SHROOM2: variants seen among roughly 807,000 people sequenced by gnomAD.
SHROOM2 encodes shroom family member 2, also known as protein Shroom2.
Under a neutral mutation model 75.9 loss-of-function variants are expected in SHROOM2, and 33 were observed. That is an observed-to-expected ratio of 0.43 (90% confidence interval 0.33 to 0.58). SHROOM2 has a LOEUF of 0.58. Among genes scored for constraint, SHROOM2 ranks in the 20% least tolerant of loss-of-function variants. The pLI, the probability that SHROOM2 is intolerant of heterozygous loss-of-function variation, is 0.04. For synonymous variants in SHROOM2, 655 were observed against 663.6 expected (o/e 0.99, Z 0.20); for missense variants, 1,434 against 1,461.2 (o/e 0.98, Z 0.30).
At chrX:9,829,343 C>T (rs759674773) in intron 1 of SHROOM2, among the ~76,000 whole-genome samples, 4 of 112,380 alleles carry the variant, frequency 3.6e-5, no homozygotes, top group African/African-American at 1.3e-4. Context: ...GAGTAGCTGT[C>T]GCCAGTCTAC....
chrX:9,880,255 C>T (rs1172558159), intron 2 of SHROOM2, among the ~76,000 whole-genome samples: 1 of 112,834 alleles, frequency 8.9e-6, no homozygotes, highest in Non-Finnish European at 1.9e-5. Context: ...CCACATGTGG[C>T]TTCTGTCCAG....
chrX:9,823,755 TC>T lies in SHROOM2; in HGVS notation c.165+37046del, dbSNP rs1162883230. 1.6e-3 allele frequency among the ~76,000 whole-genome samples: 114 copies of T among 69,658 alleles called. 1 individual carries two copies. Among genetic ancestry groups the T allele is most frequent in the Middle Eastern group, 0.015 (2 of 135 alleles). The allele number at this position is 69,658 out of a possible 115,157, so 60.5% of individuals were successfully genotyped here. A position where few individuals can be genotyped will look rare whatever the true frequency, so the allele number is the denominator to read the frequency against. The stretch of plus-strand genomic sequence containing the variant: ...AACATTTTTTTTCTTTTTTCTTTTT[TC>T]TTTTTTCTTTTTTTTTTTTTGAGAC... On this transcript the variant is annotated intron_variant, in intron 1 of 9. Transcript: ENST00000380913.
chrX:9,936,148 A>T (rs2084703289), intron 6 of SHROOM2, among the ~76,000 whole-genome samples: 1 of 109,416 alleles, frequency 9.1e-6, no homozygotes, highest in Admixed American at 9.7e-5. Flanking sequence ...CCCAGGCTAG[A>T]GTGCAGTGGT....
chrX:9,895,065 G>C lies in SHROOM2; in HGVS notation c.1157G>C (p.Gly386Ala), dbSNP rs1464604488. Residue 386 changes from glycine to alanine, a missense_variant, in exon 4 of 10, where the codon GGC becomes GCC. By Grantham distance (60) the Gly-to-Ala change is moderately conservative (BLOSUM62 0). This residue lies in a region of SHROOM2 where 1,340 missense variants were observed against 1,338.3 expected (regional missense o/e 1.00). Transcript: ENST00000380913. ...CTCGGGAAGGGATCGGGAGGCCCGG[G>C]CTGCCCACAGGAGGCCCACGCAGAC... ...GSLGKGSGGPGCPQEAHADGS... is the reference protein window; with the variant it reads ...GSLGKGSGGPACPQEAHADGS... 8.3e-7 allele frequency: 1 copy of C among 1,207,582 alleles called. No homozygotes were observed. The highest frequency in any genetic ancestry group is 1.7e-5 in the African/African-American group (1 of 57,867).
chrX:9,810,919 A>G (rs1471899882), intron 1 of SHROOM2, among the ~76,000 whole-genome samples: 2 of 110,942 alleles, frequency 1.8e-5, no homozygotes, highest in African/African-American at 6.7e-5. Context: ...AGTGAATTCC[A>G]TGAGCATGAA....
At position 9,895,104 on chromosome X, in the gene SHROOM2, C is replaced by T; in HGVS notation, c.1196C>T (p.Pro399Leu). Residue 399 changes from proline (P) to leucine (L), a missense_variant, in exon 4 of 10, where the codon CCC (proline) becomes CTC (leucine). Pro to Leu is a moderately conservative substitution (Grantham distance 98). Around this residue, in one of 3 missense-constraint regions of SHROOM2, gnomAD observed 1,340 missense variants for 1,338.3 expected, o/e 1.00. Coordinates refer to ENST00000380913, the MANE Select transcript of SHROOM2 (RefSeq NM_001649.4). The part of the protein sequence containing the change: ...QEAHADGSWP[P>L]SKDGASSRLQ... ...GCCCACGCAGACGGCAGCTGGCCGCCCTCCAAGGATGGAGCTTCCAGTAGG... is the reference window on the plus strand; with the variant it reads ...GCCCACGCAGACGGCAGCTGGCCGCTCTCCAAGGATGGAGCTTCCAGTAGG... The T allele has an allele frequency of 8.3e-7, 1 of 1,211,012 alleles. No individual in the cohort carries two copies. The highest frequency in any genetic ancestry group is 1.1e-6 in the Non-Finnish European group (1 of 895,201).
intron 2 of SHROOM2, among the ~76,000 whole-genome samples, chrX:9,888,318 G>A (rs958881623): frequency 3.6e-5 from 4 of 112,231 alleles, no homozygotes; most frequent in Non-Finnish European, 7.5e-5. Flanking sequence ...GGTGCGTGGG[G>A]CCAGGAGGTT....
chrX:9,792,102 AATAG>A (rs2083662001), intron 1 of SHROOM2, among the ~76,000 whole-genome samples: 1 of 17,165 alleles, frequency 5.8e-5, no homozygotes, highest in African/African-American at 1.6e-4. Context: ...AATAGAATAG[AATAG>A]AATAGAATAG....
intron 1 of SHROOM2, among the ~76,000 whole-genome samples, chrX:9,822,500 C>T (rs956845195): frequency 2.5e-4 from 28 of 112,816 alleles, no homozygotes; most frequent in African/African-American, 7.4e-4. Flanking sequence ...TTAAGGGATG[C>T]GAGTGGTACC....
intron 5 of SHROOM2, among the ~76,000 whole-genome samples, chrX:9,911,030 T>C (rs1035449466): frequency 2.8e-4 from 31 of 110,868 alleles, no homozygotes; most frequent in Non-Finnish European, 1.1e-4. Flanking sequence ...CTGTTCCGTG[T>C]GTGGCCTGGC....
intron 5 of SHROOM2, among the ~76,000 whole-genome samples, chrX:9,903,505 G>T (rs764647467): frequency 5.6e-4 from 63 of 112,040 alleles, no homozygotes; most frequent in African/African-American, 1.9e-3. Context: ...GTAGGAGAGA[G>T]CCTGCGGCAT....
intron 1 of SHROOM2, among the ~76,000 whole-genome samples, chrX:9,855,479 A>G (rs1278853524): frequency 9.1e-6 from 1 of 110,139 alleles, no homozygotes; most frequent in African/African-American, 3.3e-5. Flanking sequence ...TTTATCTGTC[A>G]TGGAAAATAG....
chrX:9,931,467 T>A (rs893198156), intron 5 of SHROOM2, among the ~76,000 whole-genome samples: 1 of 111,133 alleles, frequency 9.0e-6, no homozygotes, highest in Non-Finnish European at 1.9e-5. Flanking sequence ...GGCAGCACAG[T>A]GAGACCCCAT....
intron 1 of SHROOM2, among the ~76,000 whole-genome samples, chrX:9,806,334 G>T (rs1015781315): frequency 3.6e-5 from 4 of 109,672 alleles, no homozygotes; most frequent in African/African-American, 1.3e-4. Context: ...GAACTTTTAG[G>T]TCCCCAAAAA....
rs200833284 is a variant in SHROOM2, at chrX:9,942,014, CG to C, written c.4312-2624del. Among the ~76,000 whole-genome samples the C allele has an allele frequency of 7.1e-4, 78 of 109,184 alleles. No individual in the cohort carries two copies. In the East Asian group the frequency reaches 0.021, roughly 30 times the overall value. The allele number at this position is 109,184 out of a possible 115,157, so 94.8% of individuals were successfully genotyped here. A position where few individuals can be genotyped will look rare whatever the true frequency, so the allele number is the denominator to read the frequency against. Reference sequence around the variant, plus strand: ...AAAAAAAATTCCTGAGCAGCCCTGGCGGGCGTCCTTCCTTATCCACAGTTCC... The same window carrying C: ...AAAAAAAATTCCTGAGCAGCCCTGGCGGCGTCCTTCCTTATCCACAGTTCC... On this transcript the variant is annotated intron_variant, in intron 8 of 9. Transcript: ENST00000380913.
intron 8 of SHROOM2, among the ~76,000 whole-genome samples, chrX:9,941,844 G>A (rs767803216): frequency 5.5e-5 from 6 of 108,212 alleles, no homozygotes; most frequent in African/African-American, 1.0e-4. Flanking sequence ...GGTGGCGGGC[G>A]CCTGTAGTCC....
chrX:9,941,903 G>A (rs898260939), intron 8 of SHROOM2, among the ~76,000 whole-genome samples: 3 of 105,622 alleles, frequency 2.8e-5, no homozygotes, highest in East Asian at 3.0e-4. Flanking sequence ...CCTGGGAGGC[G>A]GAGCTTGCAG....
Position 9,895,535 on chromosome X carries a change from G to C in SHROOM2, c.1627G>C (p.Glu543Gln). The change falls in exon 4 of 10, where the codon GAG becomes CAG. Residue 543 changes from glutamate to glutamine, a missense_variant. By Grantham distance (29) the Glu-to-Gln change is conservative. This residue lies in a region of SHROOM2 where 1,340 missense variants were observed against 1,338.3 expected (regional missense o/e 1.00). Coordinates refer to ENST00000380913, the MANE Select transcript of SHROOM2 (RefSeq NM_001649.4). ...GRCYPLDKGA[E>Q]GCSAGAQEPP... The stretch of plus-strand genomic sequence containing the variant: ...GTGTTACCCGCTGGACAAAGGGGCC[G>C]AGGGCTGCTCCGCGGGAGCCCAGGA... 8.4e-7 allele frequency: 1 copy of C among 1,190,924 alleles called. No homozygotes were observed. The highest frequency in any genetic ancestry group is 3.1e-5 in the East Asian group (1 of 32,416).
At chrX:9,880,773 C>T (rs2084227379) in intron 2 of SHROOM2, among the ~76,000 whole-genome samples, 1 of 111,557 alleles carries the variant, frequency 9.0e-6, no homozygotes, top group Admixed American at 9.5e-5. Context: ...AATTTATTCA[C>T]ACAAAGAAAA....
Sources: gnomAD v4.1 joint callset for allele counts (sites outside exome capture counted in the v4.1 genomes callset) on GRCh38, gnomAD v4.1.1 for gene constraint, gnomAD v4.1.1 regional missense constraint, MANE v1.5 for transcripts, NCBI Gene and HGNC (gene_info 2026-07-23, HGNC 2026-07-21) for gene names.